The following KDR variants were observed in gnomAD, a reference collection of about 807,000 sequenced individuals.
The protein encoded by KDR is kinase insert domain receptor.
In KDR, 43 loss-of-function variants were observed where a neutral mutation model predicts 160.9. The ratio of observed to expected loss-of-function variants is 0.27; its 90% CI spans 0.21 to 0.34. KDR has a LOEUF of 0.34. KDR is among the 10% of genes least tolerant of loss of function. The pLI is 1.00. For synonymous variants in KDR, 617 were observed against 600.1 expected (o/e 1.03, Z -0.41); for missense variants, 1,469 against 1,666.4 (o/e 0.88, Z 2.06).
intron 18 of KDR, 101 bp downstream of exon 18, chr4:55,097,561 A>G (rs1377716020): frequency 1.3e-6 from 1 of 769,504 alleles, no homozygotes; most frequent in Non-Finnish European, 2.3e-6. Flanking sequence ...ATGTGTGGCT[A>G]GTAGGCCCAC....
At chr4:55,100,111 T>C (rs1415076711) in intron 15 of KDR, among the ~76,000 whole-genome samples, 6 of 151,838 alleles carry the variant, frequency 4.0e-5, no homozygotes, top group African/African-American at 1.5e-4. Flanking sequence ...ATCAGAAGAG[T>C]GCAAGGAGAA....
chr4:55,089,319 A>G (rs571602372), intron 25 of KDR, 55 bp downstream of exon 25: 33 of 1,293,480 alleles, frequency 2.6e-5, no homozygotes, highest in East Asian at 1.2e-4. Flanking sequence ...TCTTCCAGGC[A>G]AGGAGAATTT....
chr4:55,121,462 G>A (rs772711061), intron 1 of KDR, among the ~76,000 whole-genome samples: 5 of 152,156 alleles, frequency 3.3e-5, no homozygotes, highest in African/African-American at 1.2e-4. Flanking sequence ...CCAACTTCAA[G>A]GTCTTACAAA....
At position 55,119,687 on chromosome 4, in the gene KDR, C is replaced by T. The variant is rs1479657760; in HGVS notation, c.162-887G>A. Among the ~76,000 whole-genome samples the T allele has an allele frequency of 2.0e-5, 3 of 152,078 alleles. No individual in the cohort carries two copies. The East Asian group carries it at 5.8e-4, about 29-fold the overall frequency. ...TAAGGGAACAGCCAGGAAACCAGAG[C>T]AGCCAGGTAAGAGTGAGCAAAGGGG... On this transcript the variant is annotated intron_variant, in intron 2 of 29. Coordinates refer to ENST00000263923, the MANE Select transcript of KDR (RefSeq NM_002253.4).
chr4:55,110,828 T>G, intron 7 of KDR, 60 bp from the exon 8 acceptor site: 1 of 1,397,436 alleles, frequency 7.2e-7, no homozygotes, highest in Non-Finnish European at 1.0e-6. Context: ...TTGATTTAGT[T>G]TTTCATTTCA....
chr4:55,082,175 G>C lies in KDR; in HGVS notation c.3763-134C>G. 3 of 752,306 alleles carry C rather than the reference G, an allele frequency of 4.0e-6. No individual in the cohort carries two copies. The Admixed American group carries it at 6.0e-5, about 15-fold the overall frequency. 46.6% of individuals were successfully genotyped at this position (752,306 alleles called of 1,614,324 possible). A position where few individuals can be genotyped will look rare whatever the true frequency, so the allele number is the denominator to read the frequency against. On this transcript the variant is annotated intron_variant, in intron 28 of 29. Coordinates refer to ENST00000263923, the MANE Select transcript of KDR (RefSeq NM_002253.4). ...TGTGGAAGAACATAAAGGTATCATAGCCACAAATTGTCCAAGCTACAAAAG... is the reference window on the plus strand; with the variant it reads ...TGTGGAAGAACATAAAGGTATCATACCCACAAATTGTCCAAGCTACAAAAG...
Position 55,083,523 on chromosome 4 carries a change from T to C in KDR, c.3663-888A>G, listed in dbSNP as rs1369802799. The stretch of plus-strand genomic sequence containing the variant: ...TCAGGAGTCCAAAGAATAAGACTTG[T>C]TGAACAACAGATCCTCTCCTTCTTG... On this transcript the variant is annotated intron_variant, in intron 27 of 29. Coordinates refer to ENST00000263923, the MANE Select transcript of KDR (RefSeq NM_002253.4). Among the ~76,000 whole-genome samples the C allele has an allele frequency of 6.7e-4, 102 of 151,992 alleles. 1 individual carries two copies. The highest frequency in any genetic ancestry group is 6.7e-3 in the Admixed American group (102 of 15,266).
chr4:55,121,973 A>G (rs1720892206), intron 1 of KDR, among the ~76,000 whole-genome samples: 2 of 152,202 alleles, frequency 1.3e-5, no homozygotes, highest in Non-Finnish European at 2.9e-5. Flanking sequence ...TCACACATAC[A>G]TGCAAACTAA....
Position 55,104,640 on chromosome 4 carries a change from T to C in KDR, c.1987+3A>G. 2 of 1,612,464 alleles carry C rather than the reference T, an allele frequency of 1.2e-6. No homozygotes were observed. Among genetic ancestry groups the C allele is most frequent in the Non-Finnish European group, 1.7e-6 (2 of 1,178,908 alleles). Reference sequence around the variant, plus strand: ...GCACAATGATCCAGAATTGTCTCCCTACCTAGGACTGTGAGCTGCCTGACC... The same window carrying C: ...GCACAATGATCCAGAATTGTCTCCCCACCTAGGACTGTGAGCTGCCTGACC... On this transcript the variant is annotated splice_donor_region_variant and intron_variant, in intron 13 of 29. Coordinates refer to ENST00000263923, the MANE Select transcript of KDR (RefSeq NM_002253.4).
In KDR at chr4:55,101,939, C is replaced by T. The variant is rs754510705; in HGVS notation, c.2224G>A (p.Val742Ile). The T allele has an allele frequency of 1.2e-6, 2 of 1,613,668 alleles. No individual in the cohort carries two copies. Among genetic ancestry groups the T allele is most frequent in the South Asian group, 1.1e-5 (1 of 91,076 alleles). ...EGLYTCQACS[V>I]LGCAKVEAFF... ...GCCTCCACTTTTGCACAGCCAAGAA[C>T]ACTGCATGCCTGGCAGGTGTAGAGG... is the stretch of plus-strand genomic sequence containing the variant. Residue 742 changes from valine to isoleucine, a missense_variant, in exon 15 of 30, where the codon GTT becomes ATT. Physicochemically the swap from Val to Ile is conservative, Grantham distance 29 (BLOSUM62 3). Coordinates refer to ENST00000263923, the MANE Select transcript of KDR (RefSeq NM_002253.4).
chr4:55,120,114 G>T (rs1196032948), intron 2 of KDR, among the ~76,000 whole-genome samples: 1 of 152,188 alleles, frequency 6.6e-6, no homozygotes, highest in Non-Finnish European at 1.5e-5. Context: ...ACCTGCTACT[G>T]TGTTTTTTCC....
intron 15 of KDR, among the ~76,000 whole-genome samples, chr4:55,101,092 C>G (rs1427629575): frequency 6.6e-6 from 1 of 152,146 alleles, no homozygotes; most frequent in Non-Finnish European, 1.5e-5. Context: ...TATCTCTAGT[C>G]CAATTAAAAC....
intron 18 of KDR, 132 bp downstream of exon 18, chr4:55,097,530 G>C: frequency 1.5e-6 from 1 of 667,720 alleles, no homozygotes; most frequent in Non-Finnish European, 2.7e-6. Flanking sequence ...TTTGCACAAG[G>C]GCATTATTTA....
At chr4:55,087,836 G>A in intron 26 of KDR, 78 bp from the exon 27 acceptor site, 1 of 1,357,036 alleles carries the variant, frequency 7.4e-7, no homozygotes, top group Non-Finnish European at 1.0e-6. Context: ...AAAGGGCACA[G>A]GGACTTCTTG....
chr4:55,113,204 A>G, intron 7 of KDR, 100 bp downstream of exon 7: 1 of 1,298,226 alleles, frequency 7.7e-7, no homozygotes, highest in Non-Finnish European at 1.1e-6. Context: ...ACTAGAAACT[A>G]TCTTCTGAAT....
chr4:55,111,847 A>T (rs1334833939), intron 7 of KDR, among the ~76,000 whole-genome samples: 3 of 152,234 alleles, frequency 2.0e-5, no homozygotes, highest in African/African-American at 7.2e-5. Context: ...CTTGAGTTCC[A>T]ATCTCAGCTT....
chr4:55,101,819 G>T (rs1720316138), intron 15 of KDR, 78 bp downstream of exon 15: 1 of 1,257,524 alleles, frequency 8.0e-7, no homozygotes, highest in Non-Finnish European at 1.1e-6. Flanking sequence ...AGCTGCAAAG[G>T]ACATGATCAG....
At chr4:55,085,759 A>G (rs1009108075) in intron 27 of KDR, among the ~76,000 whole-genome samples, 1 of 152,224 alleles carries the variant, frequency 6.6e-6, no homozygotes, top group Non-Finnish European at 1.5e-5. Context: ...TTCAAAAATC[A>G]CAGACAGAAA....
chr4:55,101,227 G>A, intron 15 of KDR, among the ~76,000 whole-genome samples: 1 of 152,190 alleles, frequency 6.6e-6, no homozygotes, highest in East Asian at 1.9e-4. Context: ...AACAAAGACA[G>A]AATCAGGGAG....
Sources: gnomAD v4.1 joint callset for allele counts (sites outside exome capture counted in the v4.1 genomes callset) on GRCh38, gnomAD v4.1.1 for gene constraint, MANE v1.5 for transcripts, NCBI Gene and HGNC (gene_info 2026-07-23, HGNC 2026-07-21) for gene names.